METTL21C: variants seen among roughly 807,000 people sequenced by gnomAD.
METTL21C encodes the protein protein-lysine methyltransferase METTL21C.
Under a neutral mutation model 25.9 loss-of-function variants are expected in METTL21C, and 21 were observed. The ratio of observed to expected loss-of-function variants is 0.81; its 90% confidence interval spans 0.58 to 1.17. METTL21C has a LOEUF of 1.17. Ranked by LOEUF, METTL21C falls within the 50% of genes most tolerant of loss-of-function variation. METTL21C has a pLI of 0.00. For missense variants in METTL21C, 312 were observed against 315.1 expected (o/e 0.99, Z 0.07); for synonymous variants, 125 against 124.7 (o/e 1.00, Z -0.01).
At chr13:102,699,808 C>G (rs1886005243), upstream of METTL21C, among the ~76,000 whole-genome samples, 1 of 152,160 alleles carries the variant, frequency 6.6e-6, no homozygotes, top group African/African-American at 2.4e-5. Context: ...CAATACCCCC[C>G]CGACCCAGCC....
upstream of METTL21C, among the ~76,000 whole-genome samples, chr13:102,695,172 C>A (rs547512791): frequency 2.0e-4 from 30 of 152,102 alleles, 1 homozygote; most frequent in South Asian, 6.2e-3. Flanking sequence ...GCCTAGGACC[C>A]GTATCCAGGC....
At chr13:102,696,427 A>T (rs908026719), upstream of METTL21C, among the ~76,000 whole-genome samples, 1 of 152,178 alleles carries the variant, frequency 6.6e-6, no homozygotes, top group Non-Finnish European at 1.5e-5. Flanking sequence ...TGATGGGTTG[A>T]TGGGTGCAAC....
rs752071182 is a variant in METTL21C at position 102,686,223 on chromosome 13, G to A, written c.603C>T (p.Phe201=). The A allele has an allele frequency of 3.1e-6, 5 of 1,614,190 alleles. No homozygotes were observed. In the South Asian group the frequency reaches 5.5e-5, roughly 18 times the overall value. The part of the protein sequence containing the change: ...LASDVVYHHY[F]LDKLLTTMVY... ...CCATGGTGGTGAGCAGCTTGTCCAGGAAGTAGTGATGGTAGACCACATCTG... is the reference window on the plus strand; with the variant it reads ...CCATGGTGGTGAGCAGCTTGTCCAGAAAGTAGTGATGGTAGACCACATCTG... The change falls in exon 4 of 4, where the codon TTC becomes TTT. Residue 201 remains phenylalanine, a synonymous_variant. Transcript: ENST00000267273.
intron 1 of METTL21C, among the ~76,000 whole-genome samples, chr13:102,691,845 T>A (rs1885836932): frequency 6.6e-6 from 1 of 152,158 alleles, no homozygotes; most frequent in Non-Finnish European, 1.5e-5. Context: ...CCATGACCCA[T>A]CTAGCAGCTC....
intron 2 of METTL21C, among the ~76,000 whole-genome samples, chr13:102,687,632 C>A (rs1008171667): frequency 1.3e-5 from 2 of 152,158 alleles, no homozygotes; most frequent in African/African-American, 2.4e-5. Context: ...TCTCAGACTT[C>A]AGTGTGCAAA....
chr13:102,701,712 A>G, the METTL21C span, among the ~76,000 whole-genome samples: 1 of 152,206 alleles, frequency 6.6e-6, no homozygotes. Flanking sequence ...TACAAGGCAC[A>G]TGCTGCAATA....
At chr13:102,690,679 CA>C (rs143779558) in intron 2 of METTL21C, 133 bp downstream of exon 2, 13,129 of 996,748 alleles carry the variant, frequency 0.013, 696 homozygotes, top group African/African-American at 0.12. Context: ...CAACACCCTC[CA>C]GGGGGCAAGC....
Position 102,694,816 on chromosome 13 carries a change from G to A in METTL21C, c.-318C>T, listed in dbSNP as rs544037830. On this transcript the variant is annotated 5_prime_UTR_variant, in exon 1 of 4. Coordinates refer to ENST00000267273, the MANE Select transcript of METTL21C (RefSeq NM_001010977.3). Reference sequence around the variant, plus strand: ...AGCCAGTGGAAGCCCAAGTTATTTAGGGTAGCATTATCTACCAGTCCTCAT... The same window carrying A: ...AGCCAGTGGAAGCCCAAGTTATTTAAGGTAGCATTATCTACCAGTCCTCAT... 4.6e-5 allele frequency among the ~76,000 whole-genome samples: 7 copies of A among 151,702 alleles called. No homozygotes were observed. In the East Asian group the frequency reaches 1.4e-3, roughly 30 times the overall value.
chr13:102,702,205 ATG>A, the METTL21C span, among the ~76,000 whole-genome samples: 7,185 of 148,756 alleles, frequency 0.048, 431 homozygotes, highest in African/African-American at 0.16. Context: ...ATATATATAT[ATG>A]TAGAGAGAGA....
At chr13:102,688,814 C>T (rs7988265) in intron 2 of METTL21C, among the ~76,000 whole-genome samples, 61,044 of 151,940 alleles carry the variant, frequency 0.4, 13,094 homozygotes, top group African/African-American at 0.55. Context: ...GGGTGTCATG[C>T]GGAGACAAAG....
At chr13:102,688,484 C>T (rs143606309) in intron 2 of METTL21C, among the ~76,000 whole-genome samples, 13 of 152,142 alleles carry the variant, frequency 8.5e-5, no homozygotes, top group East Asian at 1.9e-4. Context: ...GAGTCTGGGC[C>T]GACTTCATGG....
upstream of METTL21C, among the ~76,000 whole-genome samples, chr13:102,698,750 C>T (rs1885986008): frequency 6.6e-6 from 1 of 152,166 alleles, no homozygotes; most frequent in Non-Finnish European, 1.5e-5. Flanking sequence ...CACTAGGAGC[C>T]CTGCAATCAT....
At chr13:102,687,908 G>C (rs1316321909) in intron 2 of METTL21C, among the ~76,000 whole-genome samples, 1 of 152,154 alleles carries the variant, frequency 6.6e-6, no homozygotes, top group Non-Finnish European at 1.5e-5. Flanking sequence ...TCCACAAAGA[G>C]TAAAGGGTAT....
At chr13:102,701,689 G>A in the METTL21C span, among the ~76,000 whole-genome samples, 1 of 152,150 alleles carries the variant, frequency 6.6e-6, no homozygotes, top group East Asian at 1.9e-4. Flanking sequence ...TATTCTACGA[G>A]CATGAAGAAA....
intron 2 of METTL21C, among the ~76,000 whole-genome samples, chr13:102,690,068 T>C (rs1885786763): frequency 6.6e-6 from 1 of 152,064 alleles, no homozygotes; most frequent in Non-Finnish European, 1.5e-5. Context: ...AGGGGTGACA[T>C]GCCACAAAGT....
rs570841660 is a variant in METTL21C, at chr13:102,688,084, A to G, written c.283-1027T>C. Among the ~76,000 whole-genome samples, 48 of 152,350 alleles carry G rather than the reference A, an allele frequency of 3.2e-4. 1 individual carries two copies. The South Asian group carries it at 3.5e-3, about 11-fold the overall frequency. On this transcript the variant is annotated intron_variant, in intron 2 of 3. Transcript: ENST00000267273. ...GTGAGGAACGTGAACACTGAGATTT[A>G]AAAAACAATGAACTCTATAATTTAC...
intron 1 of METTL21C, among the ~76,000 whole-genome samples, chr13:102,691,299 C>T (rs1885825731): frequency 1.3e-5 from 2 of 151,672 alleles, no homozygotes; most frequent in South Asian, 4.2e-4. Context: ...AGCAAAATTG[C>T]ACGAATGAGC....
chr13:102,693,677 G>A (rs1410713287), intron 1 of METTL21C, among the ~76,000 whole-genome samples: 3 of 152,202 alleles, frequency 2.0e-5, no homozygotes, highest in Non-Finnish European at 4.4e-5. Flanking sequence ...GTTCTACAAC[G>A]ATAAAGAAAC....
chr13:102,686,478 C>CATAT lies in METTL21C; in HGVS notation c.401-57_401-54dup, dbSNP rs2139639844. 2.0e-6 allele frequency: 3 copies of CATAT among 1,536,986 alleles called. No homozygotes were observed. In the East Asian group the frequency reaches 6.8e-5, roughly 35 times the overall value. On this transcript the variant is annotated intron_variant, in intron 3 of 3. Coordinates refer to ENST00000267273, the MANE Select transcript of METTL21C (RefSeq NM_001010977.3). The stretch of plus-strand genomic sequence containing the variant: ...GAAACATCTGGGCAGTCACAGTGTA[C>CATAT]ATATACCCAGGGAGAAACACAAGAA...
Sources: allele counts gnomAD v4.1 joint callset (sites outside exome capture counted in the v4.1 genomes callset), GRCh38; gene constraint gnomAD v4.1.1; transcripts MANE v1.5; gene names NCBI Gene and HGNC (gene_info 2026-07-23, HGNC 2026-07-21).